Variants in SSTR1 observed in about 807,000 individuals in gnomAD.
SSTR1 encodes the protein somatostatin receptor type 1.
SSTR1 carries 10 observed loss-of-function variants against 20.7 expected under a neutral mutation model. That is an observed-to-expected ratio of 0.48 (90% CI 0.30 to 0.82). The LOEUF is 0.82. Among genes scored for constraint, SSTR1 ranks in the 40% least tolerant of loss-of-function variants. The pLI is 0.07. For missense variants in SSTR1, 494 were observed against 540.0 expected (o/e 0.91, Z 0.84); for synonymous variants, 267 against 227.8 (o/e 1.17, Z -1.55).
Position 38,210,497 on chromosome 14 carries a change from C to A in SSTR1, c.1108C>A (p.Pro370Thr). ...TGCCTACAGTGTGGAAGACTTCCAA[C>A]CTGAGAACCTGGAGTCCGGCGGCGT... is the stretch of plus-strand genomic sequence containing the variant. ...SRAYSVEDFQ[P>T]ENLESGGVFR... is the part of the protein sequence containing the mutation. Residue 370 changes from proline (P) to threonine (T), a missense_variant, in exon 3 of 3, where the codon CCT (proline) becomes ACT (threonine). Pro to Thr is a conservative substitution (Grantham distance 38). Transcript: ENST00000267377. 6.2e-7 allele frequency: 1 copy of A among 1,612,804 alleles called. No homozygotes were observed. Among genetic ancestry groups the A allele is most frequent in the African/African-American group, 1.3e-5 (1 of 74,910 alleles).
At position 38,209,378 on chromosome 14, in the gene SSTR1, C is replaced by T; in HGVS notation, c.-12C>T. ...CCAGCCCTGGCAGCCCCACTGGCCC[C>T]CCTCAGCTGGGATGTTCCCCAATGG... On this transcript the variant is annotated 5_prime_UTR_variant, in exon 3 of 3. Coordinates refer to ENST00000267377, the MANE Select transcript of SSTR1 (RefSeq NM_001049.3). 4 of 1,480,010 alleles carry T rather than the reference C, an allele frequency of 2.7e-6. No individual in the cohort carries two copies. Among genetic ancestry groups the T allele is most frequent in the Admixed American group, 2.5e-5 (1 of 39,712 alleles). The allele number at this position is 1,480,010 out of a possible 1,614,324, so 91.7% of individuals were successfully genotyped here. A position where few individuals can be genotyped will look rare whatever the true frequency, so the allele number is the denominator to read the frequency against.
In SSTR1 at chr14:38,210,573, C is replaced by CCACGCAGGGGCTCTGAGCCCGGGT; in HGVS notation, c.*31_*32insTCACGCAGGGGCTCTGAGCCCGGG. ...CGGATCACGACGCTCTGAGCCCGGG[C>CCACGCAGGGGCTCTGAGCCCGGGT]CACGCAGGGGCTCTGAGCCCGGGCC... On this transcript the variant is annotated 3_prime_UTR_variant, in exon 3 of 3. Coordinates refer to ENST00000267377, the MANE Select transcript of SSTR1 (RefSeq NM_001049.3). 6.4e-7 allele frequency: 1 copy of CCACGCAGGGGCTCTGAGCCCGGGT among 1,561,308 alleles called. No homozygotes were observed. Among genetic ancestry groups the CCACGCAGGGGCTCTGAGCCCGGGT allele is most frequent in the Non-Finnish European group, 8.7e-7 (1 of 1,152,702 alleles).
At position 38,210,539 on chromosome 14, in the gene SSTR1, T is replaced by G; in HGVS notation, c.1150T>G (p.Cys384Gly). Residue 384 changes from cysteine to glycine, a missense_variant, in exon 3 of 3, where the codon TGC (cysteine) becomes GGC (glycine). Cys to Gly is a radical substitution (Grantham distance 159). Coordinates refer to ENST00000267377, the MANE Select transcript of SSTR1 (RefSeq NM_001049.3). ...ESGGVFRNGTCTSRITTL is the reference protein window; with the variant it reads ...ESGGVFRNGTGTSRITTL ...CGGCGGCGTCTTCCGTAATGGCACC[T>G]GCACGTCCCGGATCACGACGCTCTG... 1 of 1,605,870 alleles carries G rather than the reference T, an allele frequency of 6.2e-7. No homozygotes were observed. The highest frequency in any genetic ancestry group is 8.5e-7 in the Non-Finnish European group (1 of 1,175,530).
chr14:38,209,281 C>A lies in SSTR1; in HGVS notation c.-109C>A. On this transcript the variant is annotated 5_prime_UTR_variant, in exon 3 of 3. Transcript: ENST00000267377. ...TTGCGCTCTACCCGGAGGCGCTGGG[C>A]GGCTGTGGGCTGCAGGCAAGCGGTC... The A allele has an allele frequency of 1.5e-6, 2 of 1,294,776 alleles. No homozygotes were observed. The highest frequency in any genetic ancestry group is 2.0e-6 in the Non-Finnish European group (2 of 1,006,076). The allele number at this position is 1,294,776 out of a possible 1,614,324, so 80.2% of individuals were successfully genotyped here. A position where few individuals can be genotyped will look rare whatever the true frequency, so the allele number is the denominator to read the frequency against.
In SSTR1 at chr14:38,210,209, A is replaced by T. The variant is rs1176141427; in HGVS notation, c.820A>T (p.Met274Leu). 1.2e-6 allele frequency: 2 copies of T among 1,614,112 alleles called. No individual in the cohort carries two copies. Among genetic ancestry groups the T allele is most frequent in the African/African-American group, 2.7e-5 (2 of 74,944 alleles). Residue 274 changes from methionine to leucine, a missense_variant, in exon 3 of 3, where the codon ATG becomes TTG. Met to Leu is a conservative substitution (Grantham distance 15). This residue lies in a region of SSTR1 where 280 missense variants were observed against 286.1 expected (regional missense o/e 0.98). Coordinates refer to ENST00000267377, the MANE Select transcript of SSTR1 (RefSeq NM_001049.3). Reference sequence around the variant, plus strand: ...GGAGCGCAAGATCACCTTAATGGTGATGATGGTGGTGATGGTGTTTGTCAT... The same window carrying T: ...GGAGCGCAAGATCACCTTAATGGTGTTGATGGTGGTGATGGTGTTTGTCAT... ...RSERKITLMVMMVVMVFVICW... is the reference protein window; with the variant it reads ...RSERKITLMVLMVVMVFVICW...
Position 38,209,034 on chromosome 14 carries a change from CT to C in SSTR1, c.-344-6del, listed in dbSNP as rs35660138. 2.6e-5 allele frequency: 6 copies of C among 229,384 alleles called. No homozygotes were observed. The highest frequency in any genetic ancestry group is 4.2e-5 in the Non-Finnish European group (5 of 119,410). The allele number at this position is 229,384 out of a possible 1,614,324, so 14.2% of individuals were successfully genotyped here. On this transcript the variant is annotated splice_polypyrimidine_tract_variant and intron_variant, in intron 2 of 2. Coordinates refer to ENST00000267377, the MANE Select transcript of SSTR1 (RefSeq NM_001049.3). ...CTCCTCCCTTTCTCCACCCCACCCC[CT>C]TTTTTCGTAGCTGCTGACGCGCTGG...
rs1883273810 is a variant in SSTR1 at position 38,209,270 on chromosome 14, G to C, written c.-120G>C. ...CCCCGCAGCGGTTGCGCTCTACCCG[G>C]AGGCGCTGGGCGGCTGTGGGCTGCA... On this transcript the variant is annotated 5_prime_UTR_variant, in exon 3 of 3. Coordinates refer to ENST00000267377, the MANE Select transcript of SSTR1 (RefSeq NM_001049.3). 3.2e-6 allele frequency: 4 copies of C among 1,257,110 alleles called. No individual in the cohort carries two copies. The allele number at this position is 1,257,110 out of a possible 1,614,324, so 77.9% of individuals were successfully genotyped here.
chr14:38,208,174 A>C (rs1373450636), intron 1 of SSTR1, 70 bp downstream of exon 1: 13 of 152,164 alleles, frequency 8.5e-5, no homozygotes, highest in Admixed American at 8.5e-4. Flanking sequence ...CCGAGTGAAC[A>C]CCTAGGTGGA....
At position 38,209,483 on chromosome 14, in the gene SSTR1, G is replaced by T. The variant is rs745973891; in HGVS notation, c.94G>T (p.Ala32Ser). 6.4e-7 allele frequency: 1 copy of T among 1,569,056 alleles called. No individual in the cohort carries two copies. The highest frequency in any genetic ancestry group is 2.3e-5 in the East Asian group (1 of 44,388). Residue 32 changes from alanine (A) to serine (S), a missense_variant, in exon 3 of 3, where the codon GCC (alanine) becomes TCC (serine). By Grantham distance (99) the Ala-to-Ser change is moderately conservative. Coordinates refer to ENST00000267377, the MANE Select transcript of SSTR1 (RefSeq NM_001049.3). ...GEGGGSRGPG[A>S]GAADGMEEPG... ...AGGCGGCGGCAGCAGGGGCCCCGGGGCCGGCGCTGCGGACGGCATGGAGGA... is the reference window on the plus strand; with the variant it reads ...AGGCGGCGGCAGCAGGGGCCCCGGGTCCGGCGCTGCGGACGGCATGGAGGA...
Position 38,210,335 on chromosome 14 carries a change from A to T in SSTR1, c.946A>T (p.Ser316Cys). The change falls in exon 3 of 3, where the codon AGC (serine) becomes TGC (cysteine). Residue 316 changes from serine (S) to cysteine (C), a missense_variant. Physicochemically the swap from Ser to Cys is moderately radical, Grantham distance 112. Around this residue, in one of 3 missense-constraint regions of SSTR1, gnomAD observed 280 missense variants for 286.1 expected, o/e 0.98. Transcript: ENST00000267377. The stretch of plus-strand genomic sequence containing the variant: ...GTCGGTCATCCTCGGCTATGCCAAC[A>T]GCTGCGCCAACCCCATCCTCTATGG... ...QLSVILGYAN[S>C]CANPILYGFL... The T allele has an allele frequency of 6.2e-7, 1 of 1,614,262 alleles. No homozygotes were observed. The highest frequency in any genetic ancestry group is 8.5e-7 in the Non-Finnish European group (1 of 1,180,040).
In SSTR1 at chr14:38,209,413, C is replaced by A. The variant is rs1224268913; in HGVS notation, c.24C>A (p.Ser8=). 1 of 1,517,910 alleles carries A rather than the reference C, an allele frequency of 6.6e-7. No individual in the cohort carries two copies. Among genetic ancestry groups the A allele is most frequent in the African/African-American group, 1.4e-5 (1 of 71,814 alleles). 94.0% of individuals were successfully genotyped at this position (1,517,910 alleles called of 1,614,324 possible). MFPNGTA[S]SPSSSPSPSP... is the part of the protein sequence containing the mutation. ...GGATGTTCCCCAATGGCACCGCCTCCTCTCCTTCCTCCTCTCCTAGCCCCA... is the reference window on the plus strand; with the variant it reads ...GGATGTTCCCCAATGGCACCGCCTCATCTCCTTCCTCCTCTCCTAGCCCCA... Residue 8 remains serine (S), a synonymous_variant, in exon 3 of 3, where the codon TCC becomes TCA. Coordinates refer to ENST00000267377, the MANE Select transcript of SSTR1 (RefSeq NM_001049.3).
Position 38,209,785 on chromosome 14 carries a change from C to T in SSTR1, c.396C>T (p.Leu132=), listed in dbSNP as rs774880721. ...HWPFGALLCR[L]VLSVDAVNMF... ...CCTTCGGTGCGCTGCTCTGCCGCCTCGTGCTCAGCGTGGACGCGGTCAACA... is the reference window on the plus strand; with the variant it reads ...CCTTCGGTGCGCTGCTCTGCCGCCTTGTGCTCAGCGTGGACGCGGTCAACA... Residue 132 remains leucine (L), a synonymous_variant, in exon 3 of 3, where the codon CTC becomes CTT. Coordinates refer to ENST00000267377, the MANE Select transcript of SSTR1 (RefSeq NM_001049.3). 6 of 1,613,980 alleles carry T rather than the reference C, an allele frequency of 3.7e-6. No individual in the cohort carries two copies. Among genetic ancestry groups the T allele is most frequent in the Non-Finnish European group, 5.1e-6 (6 of 1,180,050 alleles).
Position 38,210,017 on chromosome 14 carries a change from A to G in SSTR1, c.628A>G (p.Met210Val), listed in dbSNP as rs746546594. 2 of 1,614,036 alleles carry G rather than the reference A, an allele frequency of 1.2e-6. No homozygotes were observed. The highest frequency in any genetic ancestry group is 8.5e-7 in the Non-Finnish European group (1 of 1,180,050). The stretch of plus-strand genomic sequence containing the variant: ...CAGCGACGGCACGGTGGCTTGCAAC[A>G]TGCTCATGCCAGAGCCCGCTCAACG... ...ANSDGTVACN[M>V]LMPEPAQRWL... The change falls in exon 3 of 3, where the codon ATG (methionine) becomes GTG (valine). Residue 210 changes from methionine to valine, a missense_variant. By Grantham distance (21) the Met-to-Val change is conservative (BLOSUM62 1). This residue lies in a region of SSTR1 where 280 missense variants were observed against 286.1 expected (regional missense o/e 0.98). Transcript: ENST00000267377.
rs1378454048 is a variant in SSTR1, at chr14:38,209,586, C to T, written c.197C>T (p.Ser66Phe). The change falls in exon 3 of 3, where the codon TCC becomes TTC. Residue 66 changes from serine to phenylalanine, a missense_variant. Around this residue, in one of 3 missense-constraint regions of SSTR1, gnomAD observed 116 missense variants for 174.6 expected, o/e 0.66. Transcript: ENST00000267377. Reference protein sequence around the residue: ...GSAILISFIYSVVCLVGLCGN... With the variant: ...GSAILISFIYFVVCLVGLCGN... ...GCCATCCTGATCTCTTTCATCTACT[C>T]CGTGGTGTGCCTGGTGGGGCTGTGT... The T allele has an allele frequency of 5.0e-6, 8 of 1,613,338 alleles. No homozygotes were observed. The highest frequency in any genetic ancestry group is 5.9e-6 in the Non-Finnish European group (7 of 1,179,676).
Position 38,210,079 on chromosome 14 carries a change from G to T in SSTR1, c.690G>T (p.Met230Ile). The T allele has an allele frequency of 1.9e-6, 3 of 1,614,206 alleles. No individual in the cohort carries two copies. In the South Asian group the frequency reaches 3.3e-5, roughly 18 times the overall value. Residue 230 changes from methionine to isoleucine, a missense_variant, in exon 3 of 3, where the codon ATG (methionine) becomes ATT (isoleucine). Met to Ile is a conservative substitution (Grantham distance 10). Coordinates refer to ENST00000267377, the MANE Select transcript of SSTR1 (RefSeq NM_001049.3). The part of the protein sequence containing the change: ...LVGFVLYTFL[M>I]GFLLPVGAIC... ...GCTTCGTGTTGTACACATTTCTCAT[G>T]GGCTTCCTGCTGCCCGTGGGGGCTA...
chr14:38,209,271 A>T lies in SSTR1; in HGVS notation c.-119A>T. 8.0e-7 allele frequency: 1 copy of T among 1,250,966 alleles called. No homozygotes were observed. The highest frequency in any genetic ancestry group is 1.0e-6 in the Non-Finnish European group (1 of 968,530). The allele number at this position is 1,250,966 out of a possible 1,614,324, so 77.5% of individuals were successfully genotyped here. A position where few individuals can be genotyped will look rare whatever the true frequency, so the allele number is the denominator to read the frequency against. ...CCCGCAGCGGTTGCGCTCTACCCGGAGGCGCTGGGCGGCTGTGGGCTGCAG... is the reference window on the plus strand; with the variant it reads ...CCCGCAGCGGTTGCGCTCTACCCGGTGGCGCTGGGCGGCTGTGGGCTGCAG... On this transcript the variant is annotated 5_prime_UTR_variant, in exon 3 of 3. Coordinates refer to ENST00000267377, the MANE Select transcript of SSTR1 (RefSeq NM_001049.3).
chr14:38,209,550 G>A lies in SSTR1; in HGVS notation c.161G>A (p.Gly54Asp), dbSNP rs1256228547. The change falls in exon 3 of 3, where the codon GGC becomes GAC. Residue 54 changes from glycine to aspartate, a missense_variant. Physicochemically the swap from Gly to Asp is moderately conservative, Grantham distance 94. Around this residue, in one of 3 missense-constraint regions of SSTR1, gnomAD observed 98 missense variants for 79.3 expected, o/e 1.24. Transcript: ENST00000267377. ...NASQNGTLSE[G>D]QGSAILISFI... The stretch of plus-strand genomic sequence containing the variant: ...TCCCAGAACGGGACCTTGAGCGAGG[G>A]CCAGGGCAGCGCCATCCTGATCTCT... The A allele has an allele frequency of 6.2e-7, 1 of 1,605,718 alleles. No individual in the cohort carries two copies. Among genetic ancestry groups the A allele is most frequent in the South Asian group, 1.1e-5 (1 of 89,916 alleles).
Position 38,209,765 on chromosome 14 carries a change from G to T in SSTR1, c.376G>T (p.Gly126Cys), listed in dbSNP as rs773561220. 1 of 1,613,974 alleles carries T rather than the reference G, an allele frequency of 6.2e-7. No individual in the cohort carries two copies. Among genetic ancestry groups the T allele is most frequent in the Non-Finnish European group, 8.5e-7 (1 of 1,180,032 alleles). Reference sequence around the variant, plus strand: ...CACGTTGTTGCGCCACTGGCCCTTCGGTGCGCTGCTCTGCCGCCTCGTGCT... The same window carrying T: ...CACGTTGTTGCGCCACTGGCCCTTCTGTGCGCTGCTCTGCCGCCTCGTGCT... ...TSTLLRHWPF[G>C]ALLCRLVLSV... is the part of the protein sequence containing the mutation. Residue 126 changes from glycine to cysteine, a missense_variant, in exon 3 of 3, where the codon GGT becomes TGT. Coordinates refer to ENST00000267377, the MANE Select transcript of SSTR1 (RefSeq NM_001049.3).
At position 38,210,142 on chromosome 14, in the gene SSTR1, C is replaced by T; in HGVS notation, c.753C>T (p.Arg251=). 6.2e-7 allele frequency: 1 copy of T among 1,614,266 alleles called. No individual in the cohort carries two copies. Among genetic ancestry groups the T allele is most frequent in the Non-Finnish European group, 8.5e-7 (1 of 1,180,056 alleles). Reference sequence around the variant, plus strand: ...ACGTGCTCATCATTGCTAAGATGCGCATGGTGGCCCTCAAGGCCGGCTGGC... The same window carrying T: ...ACGTGCTCATCATTGCTAAGATGCGTATGGTGGCCCTCAAGGCCGGCTGGC... ...LCYVLIIAKM[R]MVALKAGWQQ... Residue 251 remains arginine (R), a synonymous_variant, in exon 3 of 3, where the codon CGC becomes CGT. Transcript: ENST00000267377.
Sources: allele counts gnomAD v4.1 joint callset, GRCh38; gene constraint gnomAD v4.1.1; regional missense constraint gnomAD v4.1.1; transcripts MANE v1.5; gene names NCBI Gene and HGNC (gene_info 2026-07-23, HGNC 2026-07-21).